The following SEMA5B variants were observed in gnomAD, a reference collection of about 807,000 sequenced individuals.
SEMA5B encodes the protein semaphorin 5B, also known as semaphorin-5B.
A neutral mutation model predicts 135.0 loss-of-function variants in SEMA5B; 66 were observed. That is an observed-to-expected ratio of 0.49 (90% confidence interval 0.40 to 0.60). The LOEUF (loss-of-function observed/expected upper bound fraction) is 0.60, where lower values mean the gene tolerates loss of function less well. Among genes scored for constraint, SEMA5B ranks in the 20% least tolerant of loss-of-function variants. SEMA5B has a pLI of 0.00. For synonymous variants in SEMA5B, 690 were observed against 639.5 expected, an observed-to-expected ratio of 1.08 and a Z score of -1.19; for missense variants, 1,501 against 1,566.3, an observed-to-expected ratio of 0.96 and a Z score of 0.70.
Position 123,013,300 on chromosome 3 carries a change from A to T in SEMA5B, c.-39+14164T>A, listed in dbSNP as rs566355331. Among the ~76,000 whole-genome samples the T allele has an allele frequency of 2.6e-5, 4 of 152,312 alleles. No homozygotes were observed. In the South Asian group the frequency reaches 8.3e-4, roughly 32 times the overall value. On this transcript the variant is annotated intron_variant, in intron 1 of 22. Transcript: ENST00000357599. ...ACAGGCTGCTACAGTGTAAGCTCTC[A>T]GGAAACCAGGAAATCCTCACAACAC... is the stretch of plus-strand genomic sequence containing the variant.
intron 20 of SEMA5B, 138 bp downstream of exon 20, chr3:122,911,782 C>T (rs899673042): frequency 8.3e-6 from 10 of 1,197,852 alleles, no homozygotes; most frequent in Non-Finnish European, 1.1e-5. Context: ...AGTTTTCTTT[C>T]GGCATCTCCT....
At chr3:122,937,104 C>T (rs1478312530) in intron 5 of SEMA5B, among the ~76,000 whole-genome samples, 1 of 152,228 alleles carries the variant, frequency 6.6e-6, no homozygotes, top group Non-Finnish European at 1.5e-5. Context: ...GAGTTTTAAC[C>T]CAAGTGTAGC....
At chr3:122,969,875 T>A (rs1168866746) in intron 1 of SEMA5B, among the ~76,000 whole-genome samples, 2 of 152,190 alleles carry the variant, frequency 1.3e-5, no homozygotes, top group Non-Finnish European at 2.9e-5. Flanking sequence ...TACAGTTGAA[T>A]GTGGGTGTGT....
At chr3:123,021,989 T>G (rs969089025) in intron 1 of SEMA5B, among the ~76,000 whole-genome samples, 2 of 152,130 alleles carry the variant, frequency 1.3e-5, no homozygotes, top group Non-Finnish European at 2.9e-5. Flanking sequence ...GAAACTATCC[T>G]GAGACTCACA....
rs1453820409 is a variant in SEMA5B, at chr3:122,922,019, C to T, written c.1584G>A (p.Leu528=). The T allele has an allele frequency of 1.2e-5, 18 of 1,513,452 alleles. No individual in the cohort carries two copies. Among genetic ancestry groups the T allele is most frequent in the Non-Finnish European group, 1.6e-5 (18 of 1,133,902 alleles). 93.8% of individuals were successfully genotyped at this position (1,513,452 alleles called of 1,614,324 possible). The part of the protein sequence containing the change: ...HVLPPGRREP[L]RSLRILHSAR... ...CGCTGTGCAGGATGCGCAGGCTGCGCAGGGGCTCGCGGCGCCCGGGGGGCA... is the reference window on the plus strand; with the variant it reads ...CGCTGTGCAGGATGCGCAGGCTGCGTAGGGGCTCGCGGCGCCCGGGGGGCA... Residue 528 remains leucine, a synonymous_variant, in exon 12 of 23, where the codon CTG becomes CTA. Transcript: ENST00000357599.
At chr3:122,978,985 C>A (rs1941432059) in intron 1 of SEMA5B, among the ~76,000 whole-genome samples, 1 of 152,190 alleles carries the variant, frequency 6.6e-6, no homozygotes, top group Non-Finnish European at 1.5e-5. Context: ...CATCTTCAGC[C>A]TGCCCTGTGA....
rs1382314088 is a variant in SEMA5B at position 122,948,496 on chromosome 3, C to A, written c.328+10G>T. ...TTGCAAGACAGGGCCAAGTAGGAAG[C>A]AACTCTTACCTTCAAAGGCCACGGT... On this transcript the variant is annotated intron_variant, in intron 3 of 22. Coordinates refer to ENST00000357599, the MANE Select transcript of SEMA5B (RefSeq NM_001031702.4). The A allele has an allele frequency of 1.3e-6, 2 of 1,590,684 alleles. No individual in the cohort carries two copies. The highest frequency in any genetic ancestry group is 1.7e-6 in the Non-Finnish European group (2 of 1,163,996).
intron 1 of SEMA5B, among the ~76,000 whole-genome samples, chr3:122,970,542 C>G (rs1225601580): frequency 2.0e-5 from 3 of 152,226 alleles, no homozygotes; most frequent in Non-Finnish European, 2.9e-5. Context: ...CTTCCCACCT[C>G]CTTACCTTTT....
intron 1 of SEMA5B, 23 bp from the exon 2 acceptor site, chr3:122,961,324 A>G (rs4677985): frequency 0.5 from 796,633 of 1,604,486 alleles, 202,697 homozygotes; most frequent in East Asian, 0.74. Flanking sequence ...AATTTTGGGT[A>G]AGTCATGGAT....
chr3:122,936,282 C>T (rs150141196), intron 5 of SEMA5B, among the ~76,000 whole-genome samples: 1 of 152,184 alleles, frequency 6.6e-6, no homozygotes, highest in African/African-American at 2.4e-5. Flanking sequence ...CATGAAAACT[C>T]AGCAACTCCC....
chr3:123,017,255 C>T (rs141627090), intron 1 of SEMA5B, among the ~76,000 whole-genome samples: 54 of 152,080 alleles, frequency 3.6e-4, no homozygotes, highest in African/African-American at 1.3e-3. Flanking sequence ...TCCACAGATA[C>T]AGAGGGCTGA....
rs145555136 is a variant in SEMA5B at position 122,996,163 on chromosome 3, G to C, written c.-39+31301C>G. ...AAGCCTAAGAGGGTCCCAAGGGAGG[G>C]GGCAGCTCTTCTCCAACACACACAC... On this transcript the variant is annotated intron_variant, in intron 1 of 22. Coordinates refer to ENST00000357599, the MANE Select transcript of SEMA5B (RefSeq NM_001031702.4). Among the ~76,000 whole-genome samples, 118 of 152,332 alleles carry C rather than the reference G, an allele frequency of 7.7e-4. 2 individuals are homozygous for C. Among genetic ancestry groups the C allele is most frequent in the South Asian group, 7.5e-3 (36 of 4,828 alleles).
At chr3:122,943,032 G>A (rs887449626) in intron 4 of SEMA5B, among the ~76,000 whole-genome samples, 2 of 152,202 alleles carry the variant, frequency 1.3e-5, no homozygotes, top group African/African-American at 4.8e-5. Context: ...CCCCTACCCA[G>A]CCGTCCCAGG....
Position 122,913,527 on chromosome 3 carries a change from C to T in SEMA5B, c.2280+7G>A, listed in dbSNP as rs1488048903. 1.2e-6 allele frequency: 2 copies of T among 1,609,416 alleles called. No individual in the cohort carries two copies. The highest frequency in any genetic ancestry group is 1.7e-6 in the Non-Finnish European group (2 of 1,178,894). ...CCGCGCCCCTGGCCCACGGCCCCAA[C>T]CCTCACCACGCCGCAGCCCAGGCAG... On this transcript the variant is annotated splice_region_variant and intron_variant, in intron 16 of 22. Transcript: ENST00000357599.
At chr3:122,989,801 TGGTTCC>T (rs1184577669) in intron 1 of SEMA5B, among the ~76,000 whole-genome samples, 1 of 152,172 alleles carries the variant, frequency 6.6e-6, no homozygotes, top group East Asian at 1.9e-4. Flanking sequence ...CAGAGAAAAT[TGGTTCC>T]CTGGGGGAGT....
chr3:122,932,072 T>A lies in SEMA5B; in HGVS notation c.475-3014A>T, dbSNP rs548375103. ...AAATGTGAAAACATGTGCATGTGAG[T>A]GAGAATCAATGAAATATTCGTATTC... is the stretch of plus-strand genomic sequence containing the variant. On this transcript the variant is annotated intron_variant, in intron 5 of 22. Coordinates refer to ENST00000357599, the MANE Select transcript of SEMA5B (RefSeq NM_001031702.4). Among the ~76,000 whole-genome samples, 7 of 152,254 alleles carry A rather than the reference T, an allele frequency of 4.6e-5. No homozygotes were observed. In the South Asian group the frequency reaches 1.5e-3, roughly 32 times the overall value.
At chr3:123,006,649 C>T (rs1942319105) in intron 1 of SEMA5B, among the ~76,000 whole-genome samples, 1 of 152,180 alleles carries the variant, frequency 6.6e-6, no homozygotes. Flanking sequence ...CCTGGAGGAA[C>T]AGGCACTCAG....
chr3:122,912,140 G>T (rs371014043), intron 19 of SEMA5B, 32 bp downstream of exon 19: 1 of 1,581,118 alleles, frequency 6.3e-7, no homozygotes, highest in Non-Finnish European at 8.6e-7. Context: ...GCTCCATGTC[G>T]CTTCCCAGCC....
At chr3:123,015,954 C>T (rs189492581) in intron 1 of SEMA5B, among the ~76,000 whole-genome samples, 1 of 152,316 alleles carries the variant, frequency 6.6e-6, no homozygotes, top group Non-Finnish European at 1.5e-5. Flanking sequence ...ATGGCTTCGG[C>T]AGATTAAACT....
Sources: gnomAD v4.1 joint callset for allele counts (sites outside exome capture counted in the v4.1 genomes callset) on GRCh38, gnomAD v4.1.1 for gene constraint, MANE v1.5 for transcripts, NCBI Gene and HGNC (gene_info 2026-07-23, HGNC 2026-07-21) for gene names.